TBX5: variants seen among roughly 807,000 people sequenced by gnomAD.
The protein encoded by TBX5 is T-box transcription factor TBX5.
A neutral mutation model predicts 51.1 loss-of-function variants in TBX5; 8 were observed. The observed-to-expected ratio is 0.16, with a 90% CI of 0.09 to 0.28. The LOEUF (loss-of-function observed/expected upper bound fraction) is 0.28. Ranked by LOEUF, TBX5 falls within the 10% of genes least tolerant of loss-of-function variation. The pLI is 1.00. For synonymous variants in TBX5, 302 were observed against 266.4 expected, an observed-to-expected ratio of 1.13 and a Z score of -1.30; for missense variants, 589 against 671.7, an observed-to-expected ratio of 0.88 and a Z score of 1.36.
chr12:114,399,857 T>C (rs563535187), intron 3 of TBX5, among the ~76,000 whole-genome samples: 1 of 152,300 alleles, frequency 6.6e-6, no homozygotes, highest in African/African-American at 2.4e-5. Context: ...GTAGGTAACC[T>C]AAGCGGAAAA....
Position 114,406,031 on chromosome 12 carries a change from T to C in TBX5, c.-442A>G, listed in dbSNP as rs1872195754. On this transcript the variant is annotated 5_prime_UTR_variant, in exon 1 of 9. Transcript: ENST00000405440. The stretch of plus-strand genomic sequence containing the variant: ...GCTTTCAGGATTAAAGTTCCCGGAT[T>C]CGAGGTAAGAGTCAGTCTCTCTCAC... 1.0e-6 allele frequency: 1 copy of C among 985,212 alleles called. No individual in the cohort carries two copies. The highest frequency in any genetic ancestry group is 6.2e-5 in the Admixed American group (1 of 16,258). The allele number at this position is 985,212 out of a possible 1,614,324, so 61.0% of individuals were successfully genotyped here.
chr12:114,403,909 G>A lies in TBX5; in HGVS notation c.-11C>T. The A allele has an allele frequency of 6.2e-7, 1 of 1,610,386 alleles. No homozygotes were observed. The highest frequency in any genetic ancestry group is 1.7e-4 in the Middle Eastern group (1 of 5,916). ...GTCTGCGTCGGCCATGGTGCGCCCA[G>A]GGCCCTGTGCCCGCGCAAGGTTCTG... is the stretch of plus-strand genomic sequence containing the variant. On this transcript the variant is annotated 5_prime_UTR_variant, in exon 2 of 9. Coordinates refer to ENST00000405440, the MANE Select transcript of TBX5 (RefSeq NM_181486.4).
At chr12:114,407,822 A>C, upstream of TBX5, 1 of 985,358 alleles carries the variant, frequency 1.0e-6, no homozygotes, top group Non-Finnish European at 1.2e-6. Context: ...ACCTCCAACT[A>C]TCCCACCTCT....
intron 8 of TBX5, among the ~76,000 whole-genome samples, chr12:114,360,915 AG>A (rs1292873525): frequency 1.3e-5 from 2 of 152,214 alleles, no homozygotes; most frequent in African/African-American, 4.8e-5. Flanking sequence ...CAAAAGACTC[AG>A]TTTGAAACAT....
intron 7 of TBX5, among the ~76,000 whole-genome samples, chr12:114,370,289 AAAGAAAAGAAAAGAAAAGAAAAG>A (rs1869807031): frequency 4.2e-4 from 7 of 16,704 alleles, no homozygotes; most frequent in Admixed American, 9.0e-4. Context: ...AAAAGAAAAG[AAAGAAAAGAAAAGAAAAGAAAAG>A]AAAGAAAAGA....
chr12:114,365,618 CAGG>C (rs1214515058), intron 8 of TBX5, among the ~76,000 whole-genome samples: 1 of 151,968 alleles, frequency 6.6e-6, no homozygotes, highest in Non-Finnish European at 1.5e-5. Context: ...CACTTGAGCC[CAGG>C]AGGTTTAGAC....
chr12:114,362,049 T>A (rs930312759), intron 8 of TBX5, among the ~76,000 whole-genome samples: 61 of 152,122 alleles, frequency 4.0e-4, no homozygotes, highest in African/African-American at 1.4e-3. Context: ...GGTTTCCAAA[T>A]CCACAAAGAA....
intron 5 of TBX5, among the ~76,000 whole-genome samples, chr12:114,396,112 C>CCGGT (rs767136548): frequency 7.2e-5 from 11 of 152,080 alleles, no homozygotes; most frequent in Non-Finnish European, 1.2e-4. Flanking sequence ...GAGTCCGGCC[C>CCGGT]CGATCGAGTG....
chr12:114,355,787 G>A lies in TBX5; in HGVS notation c.1302C>T (p.Pro434=), dbSNP rs1231034401. The change falls in exon 9 of 9, where the codon CCC becomes CCT. Residue 434 remains proline (P), a synonymous_variant. Transcript: ENST00000405440. The part of the protein sequence containing the change: ...QHFSAHFTSG[P]LVPRLAGMAN... ...CCATGCCAGCCAGCCGAGGGACCAG[G>A]GGCCCCGAGGTGAAGTGAGCGGAGA... 6.2e-7 allele frequency: 1 copy of A among 1,614,052 alleles called. No homozygotes were observed. The highest frequency in any genetic ancestry group is 1.3e-5 in the African/African-American group (1 of 74,944).
chr12:114,396,266 C>T (rs1185298230), intron 5 of TBX5, among the ~76,000 whole-genome samples: 1 of 151,914 alleles, frequency 6.6e-6, no homozygotes, highest in South Asian at 2.1e-4. Context: ...ATAGCGACGC[C>T]GACCGGGGCG....
chr12:114,391,253 G>A (rs1204190753), intron 6 of TBX5, among the ~76,000 whole-genome samples: 3 of 152,190 alleles, frequency 2.0e-5, no homozygotes, highest in African/African-American at 4.8e-5. Context: ...ACATGATCAG[G>A]GAATGAGCCA....
intron 6 of TBX5, among the ~76,000 whole-genome samples, chr12:114,390,005 A>G (rs1412022618): frequency 6.6e-6 from 1 of 151,994 alleles, no homozygotes; most frequent in Non-Finnish European, 1.5e-5. Flanking sequence ...TGTTATCAGC[A>G]AAAACCTTTT....
At chr12:114,398,858 C>G in intron 4 of TBX5, 138 bp from the exon 5 acceptor site, 1 of 1,100,804 alleles carries the variant, frequency 9.1e-7, no homozygotes, top group South Asian at 1.4e-5. Context: ...TCTCCCGTCT[C>G]CCTTAGGTAT....
chr12:114,378,204 G>A (rs756686088), intron 7 of TBX5, among the ~76,000 whole-genome samples: 2 of 152,174 alleles, frequency 1.3e-5, no homozygotes, highest in Non-Finnish European at 2.9e-5. Context: ...TACTTCTTAT[G>A]GTGAAAAGAC....
chr12:114,395,550 T>C (rs1257266157), intron 5 of TBX5, among the ~76,000 whole-genome samples: 1 of 152,034 alleles, frequency 6.6e-6, no homozygotes, highest in Non-Finnish European at 1.5e-5. Flanking sequence ...TCCAAGGATG[T>C]CGGCTCATAA....
intron 7 of TBX5, among the ~76,000 whole-genome samples, chr12:114,374,918 G>C (rs1301337552): frequency 6.6e-6 from 1 of 152,180 alleles, no homozygotes; most frequent in East Asian, 1.9e-4. Flanking sequence ...TAGATGAATG[G>C]ATGGATAGGT....
At chr12:114,390,914 T>A (rs1181954492) in intron 6 of TBX5, among the ~76,000 whole-genome samples, 1 of 152,220 alleles carries the variant, frequency 6.6e-6, no homozygotes, top group Non-Finnish European at 1.5e-5. Flanking sequence ...ATATCTTTTT[T>A]AAGCTGTCAA....
intron 8 of TBX5, among the ~76,000 whole-genome samples, chr12:114,359,267 G>A (rs1280513559): frequency 6.6e-6 from 1 of 152,116 alleles, no homozygotes; most frequent in Non-Finnish European, 1.5e-5. Flanking sequence ...TCATCACATT[G>A]TAAAGAAATT....
At chr12:114,389,567 A>C (rs1313201766) in intron 6 of TBX5, among the ~76,000 whole-genome samples, 2 of 149,780 alleles carry the variant, frequency 1.3e-5, no homozygotes, top group Non-Finnish European at 3.0e-5. Context: ...ATCCCGGCTA[A>C]AACGGTGAAA....
Sources: gnomAD v4.1 joint callset for allele counts (sites outside exome capture counted in the v4.1 genomes callset) on GRCh38, gnomAD v4.1.1 for gene constraint, MANE v1.5 for transcripts, NCBI Gene and HGNC (gene_info 2026-07-23, HGNC 2026-07-21) for gene names.